GPAA1: variants seen among roughly 807,000 people sequenced by gnomAD.
The protein encoded by GPAA1 is glycosylphosphatidylinositol anchor attachment 1.
Under a neutral mutation model 64.0 loss-of-function variants are expected in GPAA1, and 54 were observed. That is an observed-to-expected ratio of 0.84 (90% CI 0.68 to 1.06). The LOEUF is 1.06. Among genes scored for constraint, GPAA1 ranks in the 50% least tolerant of loss-of-function variants. The pLI is 0.00. For missense variants in GPAA1, 780 were observed against 822.3 expected, an observed-to-expected ratio of 0.95 and a Z score of 0.63; for synonymous variants, 393 against 377.3, an observed-to-expected ratio of 1.04 and a Z score of -0.48.
At chr8:144,085,197 G>T in intron 9 of GPAA1, 59 bp downstream of exon 9, 1 of 1,468,424 alleles carries the variant, frequency 6.8e-7, no homozygotes. Flanking sequence ...GGTGTTTAGT[G>T]TTGCAACTTA....
chr8:144,086,122 G>A lies in GPAA1; in HGVS notation c.1863G>A (p.Lys621=). The change falls in exon 12 of 12, where the codon AAG becomes AAA. Residue 621 remains lysine, a synonymous_variant. Coordinates refer to ENST00000355091, the MANE Select transcript of GPAA1 (RefSeq NM_003801.4). ...TTTTCTGGAATGTGCTCTTCTGGAA[G>A]TGAGATCTGCCTGTCCGGGCTGGGA... The part of the protein sequence containing the change: ...WLLFWNVLFW[K] The A allele has an allele frequency of 1.2e-6, 2 of 1,611,892 alleles. No homozygotes were observed. The highest frequency in any genetic ancestry group is 1.1e-5 in the South Asian group (1 of 91,072).
rs781989955 is a variant in GPAA1 at position 144,083,217 on chromosome 8, C to T, written c.168C>T (p.Gly56=). Residue 56 remains glycine, a synonymous_variant, in exon 2 of 12, where the codon GGC becomes GGT. Coordinates refer to ENST00000355091, the MANE Select transcript of GPAA1 (RefSeq NM_003801.4). ...CTTACATGTCGGAGAACGCCATGGG[C>T]TCCACCATGGTGGAGGAGCAGTTTG... The part of the protein sequence containing the change: ...QRTYMSENAM[G]STMVEEQFAG... 3 of 1,611,932 alleles carry T rather than the reference C, an allele frequency of 1.9e-6. No individual in the cohort carries two copies. Among genetic ancestry groups the T allele is most frequent in the Admixed American group, 3.3e-5 (2 of 59,956 alleles).
chr8:144,082,907 G>A, intron 1 of GPAA1, 103 bp downstream of exon 1: 2 of 1,020,710 alleles, frequency 2.0e-6, no homozygotes, highest in Non-Finnish European at 2.7e-6. Context: ...CCAGCTGCTC[G>A]CGCCCCTCCG....
At position 144,085,083 on chromosome 8, in the gene GPAA1, G is replaced by T; in HGVS notation, c.1205G>T (p.Gly402Val). ...LWMQLHEAGM[G>V]LEEPGGAPGP... ...ATGCAGCTGCATGAGGCTGGAATGG[G>T]CCTTGAGGAGCCCGGGGGTGCCCCT... is the stretch of plus-strand genomic sequence containing the variant. Residue 402 changes from glycine to valine, a missense_variant, in exon 9 of 12, where the codon GGC (glycine) becomes GTC (valine). Gly to Val is a moderately radical substitution (Grantham distance 109). Transcript: ENST00000355091. The T allele has an allele frequency of 6.2e-7, 1 of 1,610,464 alleles. No homozygotes were observed. Among genetic ancestry groups the T allele is most frequent in the Non-Finnish European group, 8.5e-7 (1 of 1,178,326 alleles).
At position 144,085,025 on chromosome 8, in the gene GPAA1, G is replaced by C; in HGVS notation, c.1165-18G>C. The C allele has an allele frequency of 1.9e-6, 3 of 1,596,090 alleles. No homozygotes were observed. The highest frequency in any genetic ancestry group is 2.6e-6 in the Non-Finnish European group (3 of 1,169,812). On this transcript the variant is annotated intron_variant, in intron 8 of 11. Transcript: ENST00000355091. ...CAGATCCCGTTACACCTCTTGTTGGGGTCCTTGATTGGGCTACGCTCTGGA... is the reference window on the plus strand; with the variant it reads ...CAGATCCCGTTACACCTCTTGTTGGCGTCCTTGATTGGGCTACGCTCTGGA...
Position 144,083,494 on chromosome 8 carries a change from G to T in GPAA1, c.360G>T (p.Glu120Asp). Residue 120 changes from glutamate (E) to aspartate (D), a missense_variant, in exon 3 of 12, where the codon GAG becomes GAT. Transcript: ENST00000355091. ...TGCCCTTCCCAGATGAGACCCACGAGCGCTATGTACTGGGGGAGTGGGGTG... is the reference window on the plus strand; with the variant it reads ...TGCCCTTCCCAGATGAGACCCACGATCGCTATGTACTGGGGGAGTGGGGTG... Reference protein sequence around the residue: ...RKLPFPDETHERYMVSGTNVY... With the variant: ...RKLPFPDETHDRYMVSGTNVY... 6.2e-7 allele frequency: 1 copy of T among 1,610,248 alleles called. No homozygotes were observed. Among genetic ancestry groups the T allele is most frequent in the Non-Finnish European group, 8.5e-7 (1 of 1,176,638 alleles).
Position 144,084,750 on chromosome 8 carries a change from A to AACCACCC in GPAA1, c.1045_1046insCACCACC (p.Leu349ProfsTer52). On this transcript the variant is annotated frameshift_variant, in exon 8 of 12. Coordinates refer to ENST00000355091, the MANE Select transcript of GPAA1 (RefSeq NM_003801.4). LOFTEE classifies it high-confidence loss of function. ...TTTGGAGGGCATGTTCCGCAAGCTC[A>AACCACCC]ACCACCTCCTGGAGCGCCTGCACCA... 1 of 1,613,860 alleles carries AACCACCC rather than the reference A, an allele frequency of 6.2e-7. No individual in the cohort carries two copies. Among genetic ancestry groups the AACCACCC allele is most frequent in the Non-Finnish European group, 8.5e-7 (1 of 1,179,978 alleles).
At chr8:144,085,774 T>C in intron 11 of GPAA1, 31 bp downstream of exon 11, 4 of 1,608,650 alleles carry the variant, frequency 2.5e-6, no homozygotes, top group Non-Finnish European at 3.4e-6. Context: ...CTTCCCCCAA[T>C]GCCTGTGCCC....
Position 144,083,457 on chromosome 8 carries a change from T to C in GPAA1, c.323T>C (p.Phe108Ser). The C allele has an allele frequency of 6.2e-7, 1 of 1,613,884 alleles. No individual in the cohort carries two copies. The change falls in exon 3 of 12, where the codon TTC becomes TCC. Residue 108 changes from phenylalanine to serine, a missense_variant. Physicochemically the swap from Phe to Ser is radical, Grantham distance 155. Transcript: ENST00000355091. ...GGGCTGGAGGTCTACACGCAGAGTTTCTCCCGGAAACTGCCCTTCCCAGAT... is the reference window on the plus strand; with the variant it reads ...GGGCTGGAGGTCTACACGCAGAGTTCCTCCCGGAAACTGCCCTTCCCAGAT... ...SVGLEVYTQS[F>S]SRKLPFPDET...
Position 144,085,190 on chromosome 8 carries a change from G to A in GPAA1, c.1260+52G>A, listed in dbSNP as rs1394385465. 4.8e-6 allele frequency: 7 copies of A among 1,459,358 alleles called. No homozygotes were observed. The African/African-American group carries it at 8.4e-5, about 18-fold the overall frequency. The allele number at this position is 1,459,358 out of a possible 1,614,324, so 90.4% of individuals were successfully genotyped here. A position where few individuals can be genotyped will look rare whatever the true frequency, so the allele number is the denominator to read the frequency against. On this transcript the variant is annotated intron_variant, in intron 9 of 11. Coordinates refer to ENST00000355091, the MANE Select transcript of GPAA1 (RefSeq NM_003801.4). The stretch of plus-strand genomic sequence containing the variant: ...AATGGGCTTCTGGGGTCTGACTGGT[G>A]TTTAGTGTTGCAACTTAGCCTCAGC...
At chr8:144,082,990 C>G (rs758949468) in intron 1 of GPAA1, 134 bp from the exon 2 acceptor site, 3 of 929,152 alleles carry the variant, frequency 3.2e-6, no homozygotes, top group African/African-American at 1.7e-5. Context: ...GGCTCGGGTC[C>G]GGCGTCCCGA....
chr8:144,085,690 G>C lies in GPAA1; in HGVS notation c.1569G>C (p.Leu523=), dbSNP rs1446684882. 14 of 1,613,482 alleles carry C rather than the reference G, an allele frequency of 8.7e-6. No individual in the cohort carries two copies. Among genetic ancestry groups the C allele is most frequent in the Non-Finnish European group, 1.2e-5 (14 of 1,179,992 alleles). The part of the protein sequence containing the change: ...IALTNFSLGF[L]LATTMVPTAA... ...TCACCAACTTCTCACTGGGCTTCCTGCTGGCCACCACCATGGTGCCCACTG... is the reference window on the plus strand; with the variant it reads ...TCACCAACTTCTCACTGGGCTTCCTCCTGGCCACCACCATGGTGCCCACTG... Residue 523 remains leucine (L), a synonymous_variant, in exon 11 of 12, where the codon CTG becomes CTC. Coordinates refer to ENST00000355091, the MANE Select transcript of GPAA1 (RefSeq NM_003801.4).
In GPAA1 at chr8:144,083,818, C is replaced by G. The variant is rs782228443; in HGVS notation, c.471C>G (p.Ser157Arg). The change falls in exon 4 of 12, where the codon AGC becomes AGG. Residue 157 changes from serine to arginine, a missense_variant. Ser to Arg is a moderately radical substitution (Grantham distance 110). Coordinates refer to ENST00000355091, the MANE Select transcript of GPAA1 (RefSeq NM_003801.4). ...CCTGTGGCTCTGACTCTACCAACAG[C>G]CAGGCTGTGGGGCTGCTGCTGGCAC... Reference protein sequence around the residue: ...TVPCGSDSTNSQAVGLLLALA... With the variant: ...TVPCGSDSTNRQAVGLLLALA... The G allele has an allele frequency of 6.2e-7, 1 of 1,610,862 alleles. No individual in the cohort carries two copies. Among genetic ancestry groups the G allele is most frequent in the Non-Finnish European group, 8.5e-7 (1 of 1,180,026 alleles).
At position 144,083,498 on chromosome 8, in the gene GPAA1, T is replaced by C; in HGVS notation, c.364T>C (p.Tyr122His). The C allele has an allele frequency of 6.2e-7, 1 of 1,607,628 alleles. No homozygotes were observed. Among genetic ancestry groups the C allele is most frequent in the East Asian group, 2.2e-5 (1 of 44,848 alleles). The change falls in exon 3 of 12, where the codon TAT becomes CAT. Residue 122 changes from tyrosine (Y) to histidine (H), a missense_variant and splice_region_variant. By Grantham distance (83) the Tyr-to-His change is moderately conservative. Coordinates refer to ENST00000355091, the MANE Select transcript of GPAA1 (RefSeq NM_003801.4). Reference protein sequence around the residue: ...LPFPDETHERYMVSGTNVYGI... With the variant: ...LPFPDETHERHMVSGTNVYGI... ...CTTCCCAGATGAGACCCACGAGCGC[T>C]ATGTACTGGGGGAGTGGGGTGTGCC...
rs1554763934 is a variant in GPAA1 at position 144,083,928 on chromosome 8, C to T, written c.515-11C>T. On this transcript the variant is annotated splice_polypyrimidine_tract_variant and intron_variant, in intron 4 of 11. Transcript: ENST00000355091. ...GCCCCAGACCCTGCTGATCCTGCTT[C>T]TGGCCTCCAGGGCAGATTTATTGGG... is the stretch of plus-strand genomic sequence containing the variant. The T allele has an allele frequency of 3.7e-6, 6 of 1,613,352 alleles. No individual in the cohort carries two copies. In the Admixed American group the frequency reaches 1.0e-4, roughly 27 times the overall value.
rs781915933 is a variant in GPAA1 at position 144,085,107 on chromosome 8, C to G, written c.1229C>G (p.Pro410Arg). 1.2e-6 allele frequency: 2 copies of G among 1,605,970 alleles called. No homozygotes were observed. The highest frequency in any genetic ancestry group is 1.1e-5 in the South Asian group (1 of 90,326). Residue 410 changes from proline to arginine, a missense_variant, in exon 9 of 12, where the codon CCT (proline) becomes CGT (arginine). Physicochemically the swap from Pro to Arg is moderately radical, Grantham distance 103. Coordinates refer to ENST00000355091, the MANE Select transcript of GPAA1 (RefSeq NM_003801.4). ...GGCCTTGAGGAGCCCGGGGGTGCCCCTGGCCCCAGTGTACCCCTTCCCCCA... is the reference window on the plus strand; with the variant it reads ...GGCCTTGAGGAGCCCGGGGGTGCCCGTGGCCCCAGTGTACCCCTTCCCCCA... ...GMGLEEPGGAPGPSVPLPPSQ... is the reference protein window; with the variant it reads ...GMGLEEPGGARGPSVPLPPSQ...
chr8:144,082,826 G>T, intron 1 of GPAA1, 22 bp downstream of exon 1: 1 of 1,391,842 alleles, frequency 7.2e-7, no homozygotes, highest in Non-Finnish European at 9.3e-7. Context: ...GCCCGGGGAG[G>T]CGGGGACCCG....
rs1835961371 is a variant in GPAA1, at chr8:144,084,476, A to G, written c.877A>G (p.Met293Val). 1.2e-6 allele frequency: 2 copies of G among 1,613,324 alleles called. No individual in the cohort carries two copies. The highest frequency in any genetic ancestry group is 1.1e-5 in the South Asian group (1 of 91,076). Reference protein sequence around the residue: ...PLQGLQTLLLMVLRQASGRPH... With the variant: ...PLQGLQTLLLVVLRQASGRPH... ...GCAGGGCCTGCAGACACTGCTGCTC[A>G]TGGTTCTGCGGCAGGCCTCCGGCCG... Residue 293 changes from methionine (M) to valine (V), a missense_variant, in exon 7 of 12, where the codon ATG (methionine) becomes GTG (valine). Met to Val is a conservative substitution (Grantham distance 21). Transcript: ENST00000355091.
At position 144,085,881 on chromosome 8, in the gene GPAA1, G is replaced by T. The variant is rs200574909; in HGVS notation, c.1623-1G>T. ...TACCTTGATGTTGCTTCTCCACCCA[G>T]GACCCTCTATGCTGCCCTGCTGGTG... On this transcript the variant is annotated splice_acceptor_variant, in intron 11 of 11. Transcript: ENST00000355091. LOFTEE classifies it high-confidence loss of function. 6.2e-7 allele frequency: 1 copy of T among 1,605,730 alleles called. No homozygotes were observed.
Sources: allele counts gnomAD v4.1 joint callset, GRCh38; gene constraint gnomAD v4.1.1; transcripts MANE v1.5; gene names NCBI Gene and HGNC (gene_info 2026-07-23, HGNC 2026-07-21).